Variants in OR4Q3 observed in about 807,000 individuals in gnomAD.
The protein encoded by OR4Q3 is olfactory receptor 4Q3.
Under a neutral mutation model 18.8 loss-of-function variants are expected in OR4Q3, and 17 were observed. The ratio of observed to expected loss-of-function variants is 0.91; its 90% CI spans 0.62 to 1.36. OR4Q3 has a LOEUF of 1.36. OR4Q3 is among the 40% of genes most tolerant of loss of function. The pLI is 0.00. For missense variants in OR4Q3, 378 were observed against 373.4 expected (o/e 1.01, Z -0.10); for synonymous variants, 158 against 145.8 (o/e 1.08, Z -0.60).
chr14:19,747,367 A>C, intron 1 of OR4Q3, 39 bp from the exon 2 acceptor site: 2 of 1,124,362 alleles, frequency 1.8e-6, no homozygotes, highest in Non-Finnish European at 2.6e-6. Context: ...ATATATATCT[A>C]CCTTAAATCT....
chr14:19,744,017 G>C (rs561968140), intron 1 of OR4Q3, among the ~76,000 whole-genome samples: 2 of 152,136 alleles, frequency 1.3e-5, no homozygotes, highest in Admixed American at 6.6e-5. Flanking sequence ...GTCCCTTCTA[G>C]ATTCTGTTTT....
intron 1 of OR4Q3, among the ~76,000 whole-genome samples, chr14:19,745,893 T>G: frequency 6.6e-6 from 1 of 152,146 alleles, no homozygotes; most frequent in African/African-American, 2.4e-5. Context: ...AGATTATAGA[T>G]TTAGATACAC....
chr14:19,745,576 G>C, intron 1 of OR4Q3, among the ~76,000 whole-genome samples: 4 of 151,916 alleles, frequency 2.6e-5, no homozygotes, highest in Admixed American at 6.6e-5. Context: ...AAATAACTTT[G>C]GTTTCTCTTT....
downstream of OR4Q3, among the ~76,000 whole-genome samples, chr14:19,751,710 C>T: frequency 5.9e-5 from 9 of 152,058 alleles, no homozygotes; most frequent in East Asian, 1.9e-4. Context: ...GAGGATCTTT[C>T]GTATTTCTGT....
In OR4Q3 at chr14:19,743,673, T is replaced by C. The variant is rs1251724421; in HGVS notation, c.2+2T>C. On this transcript the variant is annotated splice_donor_variant, in intron 1 of 1. Transcript: ENST00000642117. LOFTEE classifies it high-confidence loss of function. ...ACATAGCTTCTGACAAGCAAAGATG[T>C]AGGTTTCTCAGATATGTTTATTCAA... 1.3e-5 allele frequency: 2 copies of C among 152,298 alleles called. No homozygotes were observed. Among genetic ancestry groups the C allele is most frequent in the African/African-American group, 2.4e-5 (1 of 41,474 alleles). The allele number at this position is 152,298 out of a possible 1,614,324, so 9.4% of individuals were successfully genotyped here.
chr14:19,746,879 T>C, intron 1 of OR4Q3, among the ~76,000 whole-genome samples: 2 of 152,198 alleles, frequency 1.3e-5, no homozygotes, highest in African/African-American at 4.8e-5. Context: ...CAAAGATGAG[T>C]AAGATATTTC....
intron 1 of OR4Q3, among the ~76,000 whole-genome samples, chr14:19,744,258 T>A (rs1336525249): frequency 6.6e-6 from 1 of 152,202 alleles, no homozygotes; most frequent in Non-Finnish European, 1.5e-5. Context: ...AAGGAATTCA[T>A]ATGCAATTGA....
At chr14:19,743,769 T>C (rs1877367493) in intron 1 of OR4Q3, 98 bp downstream of exon 1, 1 of 151,902 alleles carries the variant, frequency 6.6e-6, no homozygotes. Context: ...ACTCTTTTTC[T>C]CTATATACTC....
exon 2 of OR4Q3, chr14:19,748,344 C>T: frequency 1.9e-6 from 3 of 1,609,886 alleles, no homozygotes; most frequent in South Asian, 1.1e-5. Flanking sequence ...AGGATAAAAC[C>T]ATGTGGCATT....
chr14:19,744,017 G>A (rs561968140), intron 1 of OR4Q3, among the ~76,000 whole-genome samples: 17 of 152,252 alleles, frequency 1.1e-4, no homozygotes, highest in African/African-American at 3.1e-4. Context: ...GTCCCTTCTA[G>A]ATTCTGTTTT....
exon 2 of OR4Q3, chr14:19,747,815 C>G: frequency 1.2e-6 from 2 of 1,613,860 alleles, no homozygotes; most frequent in East Asian, 4.5e-5. Context: ...CATCTGTAAC[C>G]CTTTGCGCTA....
At chr14:19,747,234 G>A in intron 1 of OR4Q3, among the ~76,000 whole-genome samples, 172 bp from the exon 2 acceptor site, 2 of 152,200 alleles carry the variant, frequency 1.3e-5, no homozygotes, top group Non-Finnish European at 2.9e-5. Flanking sequence ...AGAGTTGGAA[G>A]AAATGAACAA....
At chr14:19,748,561 G>T in exon 2 of OR4Q3, 1 of 547,194 alleles carries the variant, frequency 1.8e-6, no homozygotes, top group South Asian at 2.7e-5. Flanking sequence ...TATGCCTTTT[G>T]ACCATAATCA....
At chr14:19,750,763 G>T, downstream of OR4Q3, among the ~76,000 whole-genome samples, 18 of 152,344 alleles carry the variant, frequency 1.2e-4, no homozygotes, top group East Asian at 1.9e-4. Context: ...CTAGGAACTA[G>T]GCTGCCATTT....
At chr14:19,747,919 C>T in exon 2 of OR4Q3, 5 of 1,614,038 alleles carry the variant, frequency 3.1e-6, no homozygotes, top group Non-Finnish European at 2.5e-6. Context: ...TCATACTAGT[C>T]ATCCAGCTGC....
At position 19,748,217 on chromosome 14, in the gene OR4Q3, T is replaced by C; in HGVS notation, c.814T>C (p.Cys272Arg). 4.3e-5 allele frequency: 70 copies of C among 1,614,058 alleles called. No individual in the cohort carries two copies. In the African/African-American group the frequency reaches 7.2e-4, roughly 17 times the overall value. ...CGTATTCATCTATTTGAGGCCTTTC[T>C]GCAGCTTCTCTGTGGATAAGATATT... Residue 272 changes from cysteine to arginine, a missense_variant, in exon 2 of 2, where the codon TGC (cysteine) becomes CGC (arginine). Physicochemically the swap from Cys to Arg is radical, Grantham distance 180. Transcript: ENST00000642117.
At chr14:19,747,836 A>G in exon 2 of OR4Q3, 1 of 1,608,076 alleles carries the variant, frequency 6.2e-7, no homozygotes, top group Non-Finnish European at 8.5e-7. Flanking sequence ...CCTTACAGTC[A>G]TGAACCCCCA....
chr14:19,748,040 G>A, exon 2 of OR4Q3: 9 of 1,613,866 alleles, frequency 5.6e-6, no homozygotes, highest in Non-Finnish European at 1.7e-6. Context: ...AGCCAACAGT[G>A]GTCTGCTGTC....
At chr14:19,751,480 G>T, downstream of OR4Q3, among the ~76,000 whole-genome samples, 1 of 151,536 alleles carries the variant, frequency 6.6e-6, no homozygotes, top group Non-Finnish European at 1.5e-5. Context: ...TTATATGTCT[G>T]GTAGAATTCA....
Sources: gnomAD v4.1 joint callset for allele counts (sites outside exome capture counted in the v4.1 genomes callset) on GRCh38, gnomAD v4.1.1 for gene constraint, MANE v1.5 for transcripts, NCBI Gene and HGNC (gene_info 2026-07-23, HGNC 2026-07-21) for gene names.